Variants in PCDHGB3 observed in about 807,000 individuals in gnomAD.
The protein encoded by PCDHGB3 is protocadherin gamma subfamily B, 3.
Under a neutral mutation model 59.2 loss-of-function variants are expected in PCDHGB3, and 40 were observed. The observed-to-expected ratio is 0.68, with a 90% CI of 0.52 to 0.88. PCDHGB3 has a LOEUF of 0.88. Among genes scored for constraint, PCDHGB3 ranks in the 40% least tolerant of loss-of-function variants. PCDHGB3 has a pLI of 0.00. For missense variants in PCDHGB3, 1,309 were observed against 1,187.9 expected, an observed-to-expected ratio of 1.10 and a Z score of -1.50; for synonymous variants, 581 against 503.6, an observed-to-expected ratio of 1.15 and a Z score of -2.06.
intron 1 of PCDHGB3, chr5:141,440,130 A>G (rs1222064545): frequency 6.6e-6 from 1 of 152,282 alleles, no homozygotes; most frequent in African/African-American, 2.4e-5. Context: ...TGAATGGATC[A>G]GGAGCAGATA....
intron 1 of PCDHGB3, chr5:141,422,819 TGAGA>T (rs766395950): frequency 6.2e-7 from 1 of 1,614,188 alleles, no homozygotes; most frequent in African/African-American, 1.3e-5. Flanking sequence ...GACTTAGAAC[TGAGA>T]GTGATAGCAC....
chr5:141,427,717 A>G (rs1038823851), intron 1 of PCDHGB3: 20 of 1,076,234 alleles, frequency 1.9e-5, no homozygotes, highest in African/African-American at 1.1e-4. Context: ...TCTGACCTGG[A>G]CCTAGGGCTG....
chr5:141,502,098 G>T (rs1341016516), intron 2 of PCDHGB3, among the ~76,000 whole-genome samples: 2 of 152,108 alleles, frequency 1.3e-5, no homozygotes, highest in Non-Finnish European at 2.9e-5. Flanking sequence ...ACCTGGCCTT[G>T]ACCCTGCACC....
chr5:141,486,504 A>G lies in PCDHGB3; in HGVS notation c.2416-8303A>G. ...AGTACCCACAGAACTATTTTCCTCA[A>G]TATTTCAGATGTGAATGATAATCCA... On this transcript the variant is annotated intron_variant, in intron 1 of 3. Transcript: ENST00000576222. The surrounding 1 kb of genome is among the most constrained non-coding windows in gnomAD (Gnocchi z 5.0). 7.4e-6 allele frequency: 12 copies of G among 1,614,100 alleles called. No individual in the cohort carries two copies. Among genetic ancestry groups the G allele is most frequent in the Non-Finnish European group, 1.0e-5 (12 of 1,179,986 alleles).
chr5:141,415,786 A>ATT, intron 1 of PCDHGB3: 2 of 1,374,914 alleles, frequency 1.5e-6, no homozygotes, highest in Non-Finnish European at 1.9e-6. Flanking sequence ...TTCTGGTAAA[A>ATT]TTCACCTAGT....
chr5:141,400,507 A>G (rs1158150708), intron 1 of PCDHGB3: 1 of 1,613,864 alleles, frequency 6.2e-7, no homozygotes, highest in Non-Finnish European at 8.5e-7. Context: ...CAGCGAGTCG[A>G]CTTCCCATCC....
In PCDHGB3 at chr5:141,478,732, T is replaced by C. The variant is rs772167680; in HGVS notation, c.2416-16075T>C. 7.2e-6 allele frequency: 11 copies of C among 1,537,428 alleles called. No homozygotes were observed. In the South Asian group the frequency reaches 1.2e-4, roughly 17 times the overall value. On this transcript the variant is annotated intron_variant, in intron 1 of 3. Transcript: ENST00000576222. ...GAGATGGTGGCCTGCCAGAGTGTGG[T>C]TTGTGGTCCCATTTCAGGGGGAAGA...
At position 141,490,558 on chromosome 5, in the gene PCDHGB3, A is replaced by G. The variant is rs765890709; in HGVS notation, c.2416-4249A>G. 3.1e-5 allele frequency: 50 copies of G among 1,614,042 alleles called. No individual in the cohort carries two copies. The East Asian group carries it at 1.0e-3, about 34-fold the overall frequency. ...ACCTTCCCTACACAAACATCTCACC[A>G]TCAGGCTCAACATTTCAGATGTCAA... On this transcript the variant is annotated intron_variant, in intron 1 of 3. Transcript: ENST00000576222. This position sits in a 1 kb window ranked among gnomAD's most constrained non-coding sequence, Gnocchi z 5.4.
Position 141,486,955 on chromosome 5 carries a change from T to A in PCDHGB3, c.2416-7852T>A, listed in dbSNP as rs1459820579. 1.9e-6 allele frequency: 3 copies of A among 1,614,128 alleles called. No individual in the cohort carries two copies. The highest frequency in any genetic ancestry group is 2.5e-6 in the Non-Finnish European group (3 of 1,180,048). ...CTGGCCACCTAATCACAAAGGTGACTGCTGTGGACTTGGATTCAGGTTACA... is the reference window on the plus strand; with the variant it reads ...CTGGCCACCTAATCACAAAGGTGACAGCTGTGGACTTGGATTCAGGTTACA... On this transcript the variant is annotated intron_variant, in intron 1 of 3. Coordinates refer to ENST00000576222, the MANE Select transcript of PCDHGB3 (RefSeq NM_018924.5). This position sits in a 1 kb window ranked among gnomAD's most constrained non-coding sequence, Gnocchi z 5.0.
intron 2 of PCDHGB3, among the ~76,000 whole-genome samples, chr5:141,500,682 G>A (rs1661676761): frequency 6.6e-6 from 1 of 152,044 alleles, no homozygotes; most frequent in African/African-American, 2.4e-5. Context: ...CAGAATTATA[G>A]CTTTTTTCTT....
At chr5:141,415,740 G>GTTTTTTTTTTTTTTTTTTTTTTTTTTT (rs57426385) in intron 1 of PCDHGB3, 4 of 625,042 alleles carry the variant, frequency 6.4e-6, no homozygotes, top group Non-Finnish European at 6.4e-6. Flanking sequence ...GTTTATTAAG[G>GTTTTTTTTTTTTTTTTTTTTTTTTTTT]TTTTTTTTTT....
Position 141,432,151 on chromosome 5 carries a change from C to T in PCDHGB3, c.2415+59342C>T. 2 of 1,614,122 alleles carry T rather than the reference C, an allele frequency of 1.2e-6. No homozygotes were observed. The highest frequency in any genetic ancestry group is 2.2e-5 in the South Asian group (2 of 91,066). ...CCTATTCCGCTTATATCCCAGAGAA[C>T]AATCCCAGAGGAGTTTCCCTCGTCT... On this transcript the variant is annotated intron_variant, in intron 1 of 3. Transcript: ENST00000576222. The surrounding 1 kb of genome is among the most constrained non-coding windows in gnomAD (Gnocchi z 6.0).
Position 141,370,629 on chromosome 5 carries a change from C to G in PCDHGB3, c.235C>G (p.Pro79Ala). ...IAEKKFFTVS[P>A]ENGNLLVSDR... ...AGAGAAGAAATTCTTTACCGTGAGC[C>G]CCGAAAATGGGAACTTACTTGTGAG... Residue 79 changes from proline to alanine, a missense_variant, in exon 1 of 4, where the codon CCC becomes GCC. Physicochemically the swap from Pro to Ala is conservative, Grantham distance 27 (BLOSUM62 -1). Coordinates refer to ENST00000576222, the MANE Select transcript of PCDHGB3 (RefSeq NM_018924.5). 6.2e-7 allele frequency: 1 copy of G among 1,613,860 alleles called. No homozygotes were observed. The highest frequency in any genetic ancestry group is 8.5e-7 in the Non-Finnish European group (1 of 1,179,882).
In PCDHGB3 at chr5:141,431,304, T is replaced by G. The variant is rs749116196; in HGVS notation, c.2415+58495T>G. The G allele has an allele frequency of 7.4e-6, 12 of 1,614,104 alleles. No individual in the cohort carries two copies. Among genetic ancestry groups the G allele is most frequent in the Non-Finnish European group, 9.3e-6 (11 of 1,180,030 alleles). On this transcript the variant is annotated intron_variant, in intron 1 of 3. Coordinates refer to ENST00000576222, the MANE Select transcript of PCDHGB3 (RefSeq NM_018924.5). The surrounding 1 kb of genome is among the most constrained non-coding windows in gnomAD (Gnocchi z 4.8). ...CCGAACACTCACTTCTCCCTCATCGTGCAAAATGGAGCCGACGGTAGTAAG... is the reference window on the plus strand; with the variant it reads ...CCGAACACTCACTTCTCCCTCATCGGGCAAAATGGAGCCGACGGTAGTAAG...
At position 141,490,181 on chromosome 5, in the gene PCDHGB3, G is replaced by A. The variant is rs755899660; in HGVS notation, c.2416-4626G>A. ...GGTCCCATAGACTTTGAGGAGTCACGTTTCTATGAAATTCATGCAAGAGCC... is the reference window on the plus strand; with the variant it reads ...GGTCCCATAGACTTTGAGGAGTCACATTTCTATGAAATTCATGCAAGAGCC... On this transcript the variant is annotated intron_variant, in intron 1 of 3. Coordinates refer to ENST00000576222, the MANE Select transcript of PCDHGB3 (RefSeq NM_018924.5). This position sits in a 1 kb window ranked among gnomAD's most constrained non-coding sequence, Gnocchi z 5.4. The A allele has an allele frequency of 9.9e-6, 16 of 1,614,200 alleles. No homozygotes were observed. Among genetic ancestry groups the A allele is most frequent in the Middle Eastern group, 1.6e-4 (1 of 6,062 alleles).
chr5:141,441,126 C>A (rs1319809408), intron 1 of PCDHGB3: 2 of 152,062 alleles, frequency 1.3e-5, no homozygotes, highest in Admixed American at 1.3e-4. Context: ...CAGTTGAGAC[C>A]GAATTTCTAG....
chr5:141,384,112 G>T (rs372458558), intron 1 of PCDHGB3: 2 of 1,605,392 alleles, frequency 1.2e-6, no homozygotes, highest in Non-Finnish European at 1.7e-6. Flanking sequence ...TTATAGATTG[G>T]TCACAACCAA....
At chr5:141,502,035 G>C (rs1371892057) in intron 2 of PCDHGB3, among the ~76,000 whole-genome samples, 1 of 152,078 alleles carries the variant, frequency 6.6e-6, no homozygotes, top group Non-Finnish European at 1.5e-5. Context: ...CCCGCCGCTT[G>C]CCTGCTCTCC....
chr5:141,390,231 T>C, intron 1 of PCDHGB3: 1 of 1,614,086 alleles, frequency 6.2e-7, no homozygotes, highest in South Asian at 1.1e-5. Flanking sequence ...CGGTGATTCA[T>C]CTGGGGCCTT....
Sources: allele counts gnomAD v4.1 joint callset (sites outside exome capture counted in the v4.1 genomes callset), GRCh38; gene constraint gnomAD v4.1.1; non-coding constraint Gnocchi (gnomAD v3.1); transcripts MANE v1.5; gene names NCBI Gene and HGNC (gene_info 2026-07-23, HGNC 2026-07-21).